RPTOR: variants seen among roughly 807,000 people sequenced by gnomAD.
RPTOR encodes the protein regulatory associated protein of MTOR complex 1, also known as regulatory-associated protein of mTOR.
Under a neutral mutation model 169.9 loss-of-function variants are expected in RPTOR, and 21 were observed. That is an observed-to-expected ratio of 0.12 (90% CI 0.09 to 0.18). The LOEUF is 0.18. Among genes scored for constraint, RPTOR ranks in the 10% least tolerant of loss-of-function variants. The pLI is 1.00. For synonymous variants in RPTOR, 732 were observed against 753.2 expected (o/e 0.97, Z 0.46); for missense variants, 1,133 against 1,855.9 (o/e 0.61, Z 7.16).
At chr17:80,822,736 G>T (rs1055927890) in intron 8 of RPTOR, among the ~76,000 whole-genome samples, 9 of 151,774 alleles carry the variant, frequency 5.9e-5, no homozygotes, top group African/African-American at 1.9e-4. Context: ...ATGCATACAC[G>T]TGTGTATATG....
chr17:80,700,759 G>A (rs1355624574), intron 3 of RPTOR, among the ~76,000 whole-genome samples: 1 of 131,512 alleles, frequency 7.6e-6, no homozygotes, highest in Non-Finnish European at 1.7e-5. Context: ...TGGTGATGAT[G>A]GTGATGGTGA....
chr17:80,795,008 G>A (rs1459378361), intron 7 of RPTOR, among the ~76,000 whole-genome samples: 1 of 152,210 alleles, frequency 6.6e-6, no homozygotes, highest in Non-Finnish European at 1.5e-5. Flanking sequence ...TCCATAGCAT[G>A]TGTACCTGCA....
chr17:80,633,405 A>G lies in RPTOR; in HGVS notation c.265+7612A>G, dbSNP rs948037369. On this transcript the variant is annotated intron_variant, in intron 2 of 33. Coordinates refer to ENST00000306801, the MANE Select transcript of RPTOR (RefSeq NM_020761.3). The surrounding 1 kb of genome is among the most constrained non-coding windows in gnomAD (Gnocchi z 4.1). ...CCATGCGCCATCCTAACTTCCTCTC[A>G]CTCAGTCTGAAGCAGTTCCACAGGC... 6.6e-6 allele frequency among the ~76,000 whole-genome samples: 1 copy of G among 152,040 alleles called. No individual in the cohort carries two copies. The highest frequency in any genetic ancestry group is 2.4e-5 in the African/African-American group (1 of 41,390).
chr17:80,923,403 C>A, intron 22 of RPTOR, 87 bp from the exon 23 acceptor site: 1 of 1,460,522 alleles, frequency 6.8e-7, no homozygotes, highest in South Asian at 1.2e-5. Flanking sequence ...TGGGAGGGTG[C>A]AGGTGGCCCA....
intron 21 of RPTOR, among the ~76,000 whole-genome samples, chr17:80,910,471 A>C (rs1463948468): frequency 1.3e-5 from 2 of 152,236 alleles, no homozygotes; most frequent in East Asian, 3.8e-4. Context: ...GAAATGTTGC[A>C]GGAAGAATGC....
chr17:80,818,112 T>G (rs1328365725), intron 7 of RPTOR, among the ~76,000 whole-genome samples: 1 of 152,212 alleles, frequency 6.6e-6, no homozygotes, highest in Non-Finnish European at 1.5e-5. Flanking sequence ...ACATCTGTTG[T>G]TGGAGTGTCA....
At chr17:80,673,015 C>A (rs1332450508) in intron 3 of RPTOR, among the ~76,000 whole-genome samples, 4 of 152,058 alleles carry the variant, frequency 2.6e-5, no homozygotes, top group African/African-American at 9.7e-5. Context: ...CAACCTCCAC[C>A]TCCCGGGTTC....
chr17:80,809,555 G>A (rs534450636), intron 7 of RPTOR, among the ~76,000 whole-genome samples: 3 of 152,266 alleles, frequency 2.0e-5, no homozygotes, highest in African/African-American at 7.2e-5. Flanking sequence ...TGATGACAGA[G>A]CAGCTTTTCC....
intron 20 of RPTOR, among the ~76,000 whole-genome samples, chr17:80,905,992 C>G (rs1279812936): frequency 6.6e-6 from 1 of 152,186 alleles, no homozygotes; most frequent in Non-Finnish European, 1.5e-5. Context: ...ATGCCTCACT[C>G]AGCTGTGGGG....
chr17:80,961,784 G>T (rs1000419070), intron 31 of RPTOR: 4 of 373,366 alleles, frequency 1.1e-5, no homozygotes, highest in Non-Finnish European at 1.9e-5. Context: ...GGGGTGGCAG[G>T]GTGGCAGGGG....
intron 6 of RPTOR, among the ~76,000 whole-genome samples, chr17:80,786,074 T>C (rs1352921865): frequency 6.6e-6 from 1 of 152,188 alleles, no homozygotes; most frequent in East Asian, 1.9e-4. Context: ...TGACTGTATA[T>C]GCCCGGACCA....
intron 3 of RPTOR, among the ~76,000 whole-genome samples, chr17:80,690,685 T>C (rs1035914317): frequency 3.3e-5 from 5 of 152,174 alleles, no homozygotes; most frequent in African/African-American, 1.2e-4. Context: ...TCATGTGTGG[T>C]GCTGTGTCCT....
chr17:80,904,342 G>C lies in RPTOR; in HGVS notation c.2402-4469G>C, dbSNP rs144746011. ...GTGAGCACATCAGAGGGCGTAACCC[G>C]CTCTGCCAACCCCTCAGCCTTGGGG... is the stretch of plus-strand genomic sequence containing the variant. On this transcript the variant is annotated intron_variant, in intron 20 of 33. Coordinates refer to ENST00000306801, the MANE Select transcript of RPTOR (RefSeq NM_020761.3). Among the ~76,000 whole-genome samples, 5 of 152,264 alleles carry C rather than the reference G, an allele frequency of 3.3e-5. No individual in the cohort carries two copies. The South Asian group carries it at 1.0e-3, about 32-fold the overall frequency.
chr17:80,902,381 C>T (rs2068487347), intron 20 of RPTOR, among the ~76,000 whole-genome samples: 2 of 152,266 alleles, frequency 1.3e-5, no homozygotes, highest in South Asian at 2.1e-4. Context: ...TGGCCCCTGG[C>T]CCGGCCCCTC....
chr17:80,602,662 A>T (rs922645100), intron 1 of RPTOR: 5 of 699,494 alleles, frequency 7.1e-6, no homozygotes, highest in Non-Finnish European at 1.3e-5. Flanking sequence ...CATTTTCTGG[A>T]TAACCACGCA....
intron 1 of RPTOR, among the ~76,000 whole-genome samples, chr17:80,620,314 A>C (rs2065345270): frequency 6.6e-6 from 1 of 152,268 alleles, no homozygotes; most frequent in African/African-American, 2.4e-5. Flanking sequence ...AATATTATGC[A>C]GTTTTTGGCA....
chr17:80,952,300 G>T (rs2069189085), intron 28 of RPTOR, among the ~76,000 whole-genome samples: 1 of 152,214 alleles, frequency 6.6e-6, no homozygotes, highest in Non-Finnish European at 1.5e-5. Flanking sequence ...ACGGCCAAGG[G>T]CTGAAGACAG....
intron 1 of RPTOR, among the ~76,000 whole-genome samples, chr17:80,582,148 A>T (rs1235014688): frequency 1.3e-5 from 2 of 152,204 alleles, no homozygotes; most frequent in African/African-American, 4.8e-5. Flanking sequence ...GACCCCTCTC[A>T]GGATGTCACG....
Position 80,891,816 on chromosome 17 carries a change from T to C in RPTOR, c.2080T>C (p.Leu694=). ...CATAGAAGAGGAAAAGAACTACGCC[T>C]TGCCTTCTCCAGCAACCACAGGTAT... ...QFIEEEKNYA[L]PSPATTEGGS... is the part of the protein sequence containing the mutation. Residue 694 remains leucine (L), a synonymous_variant, in exon 18 of 34, where the codon TTG becomes CTG. Coordinates refer to ENST00000306801, the MANE Select transcript of RPTOR (RefSeq NM_020761.3). The C allele has an allele frequency of 6.2e-7, 1 of 1,613,552 alleles. No homozygotes were observed. The highest frequency in any genetic ancestry group is 1.3e-5 in the African/African-American group (1 of 75,008).
Sources: gnomAD v4.1 joint callset for allele counts (sites outside exome capture counted in the v4.1 genomes callset) on GRCh38, gnomAD v4.1.1 for gene constraint, Gnocchi (gnomAD v3.1) non-coding constraint, MANE v1.5 for transcripts, NCBI Gene and HGNC (gene_info 2026-07-23, HGNC 2026-07-21) for gene names.